Variants in NRG1 observed in about 807,000 individuals in gnomAD.
NRG1 encodes the protein pro-neuregulin-1, membrane-bound isoform.
Under a neutral mutation model 63.8 loss-of-function variants are expected in NRG1, and 18 were observed. The observed-to-expected ratio is 0.28, with a 90% CI of 0.19 to 0.42. The LOEUF (loss-of-function observed/expected upper bound fraction) is 0.42, where lower values mean the gene tolerates loss of function less well. Among genes scored for constraint, NRG1 ranks in the 10% least tolerant of loss-of-function variants. The pLI is 1.00. For missense variants in NRG1, 762 were observed against 814.7 expected (o/e 0.94, Z 0.79); for synonymous variants, 302 against 301.3 (o/e 1.00, Z -0.02).
intron 5 of NRG1, among the ~76,000 whole-genome samples, chr8:32,700,556 A>G (rs1349144747): frequency 6.6e-6 from 1 of 152,190 alleles, no homozygotes; most frequent in African/African-American, 2.4e-5. Flanking sequence ...AACTAGTATT[A>G]TCTTTTCACT....
At chr8:32,347,358 C>T (rs1484738482) in intron 1 of NRG1, among the ~76,000 whole-genome samples, 1 of 152,116 alleles carries the variant, frequency 6.6e-6, no homozygotes, top group African/African-American at 2.4e-5. Flanking sequence ...TATGGAGATC[C>T]TTGCTTTGAT....
chr8:32,187,232 T>C (rs1253172764), intron 1 of NRG1, among the ~76,000 whole-genome samples: 2 of 152,204 alleles, frequency 1.3e-5, no homozygotes, highest in African/African-American at 4.8e-5. Flanking sequence ...CATGAAGACT[T>C]AGTAAGGGTT....
intron 1 of NRG1, among the ~76,000 whole-genome samples, chr8:32,052,907 T>C (rs1435861506): frequency 6.6e-6 from 1 of 152,152 alleles, no homozygotes; most frequent in African/African-American, 2.4e-5. Context: ...AAGGTGAGGT[T>C]ACTGCTTCTG....
In NRG1 at chr8:32,175,833, C is replaced by T. The variant is rs138802922; in HGVS notation, c.38-419995C>T. Among the ~76,000 whole-genome samples the T allele has an allele frequency of 2.5e-3, 387 of 152,098 alleles. 1 individual carries two copies. The highest frequency in any genetic ancestry group is 8.7e-3 in the African/African-American group (361 of 41,502). ...AACCACTGCTCAATGAAATAAAAGA[C>T]GATACAAACAAATGGAAGAACATTC... is the stretch of plus-strand genomic sequence containing the variant. On this transcript the variant is annotated intron_variant, in intron 1 of 10. Coordinates refer to the NRG1 transcript ENST00000519301.
At chr8:32,500,772 G>T (rs1007570600) in intron 1 of NRG1, among the ~76,000 whole-genome samples, 2 of 152,070 alleles carry the variant, frequency 1.3e-5, no homozygotes, top group African/African-American at 4.8e-5. Flanking sequence ...TTTTAGAAAG[G>T]GTTTCCTGAC....
At chr8:31,949,311 C>T (rs1234429453) in intron 1 of NRG1, among the ~76,000 whole-genome samples, 2 of 152,168 alleles carry the variant, frequency 1.3e-5, no homozygotes, top group Non-Finnish European at 1.5e-5. Flanking sequence ...ATTCCCCTCT[C>T]GCTGTCTTTT....
intron 1 of NRG1, among the ~76,000 whole-genome samples, chr8:32,147,478 A>G (rs1357139173): frequency 6.6e-6 from 1 of 152,224 alleles, no homozygotes; most frequent in Non-Finnish European, 1.5e-5. Flanking sequence ...AATTACCATA[A>G]CGTATAAATG....
chr8:32,177,617 C>T (rs955941485), intron 1 of NRG1, among the ~76,000 whole-genome samples: 3 of 151,980 alleles, frequency 2.0e-5, no homozygotes, highest in East Asian at 3.9e-4. Flanking sequence ...TTGTTCAACT[C>T]CCACTTATGA....
intron 1 of NRG1, among the ~76,000 whole-genome samples, chr8:31,983,634 G>T (rs543722665): frequency 6.6e-6 from 1 of 151,920 alleles, no homozygotes; most frequent in Non-Finnish European, 1.5e-5. Context: ...TGCTCTGCTG[G>T]GTGCTATACT....
In NRG1 at chr8:31,639,936, C is replaced by G. The variant is rs1022121483; in HGVS notation, c.37+505C>G. 2.9e-5 allele frequency: 32 copies of G among 1,120,988 alleles called. No individual in the cohort carries two copies. In the African/African-American group the frequency reaches 4.6e-4, roughly 16 times the overall value. 69.4% of individuals were successfully genotyped at this position (1,120,988 alleles called of 1,614,324 possible). On this transcript the variant is annotated intron_variant, in intron 1 of 10. Coordinates refer to the NRG1 transcript ENST00000519301. The stretch of plus-strand genomic sequence containing the variant: ...GGAAAAGGGAGGCAGCGCGAGAGAG[C>G]CGGGCAGAGTCCGAACCGACAGCCA...
At chr8:32,321,320 T>C (rs1160188966) in intron 1 of NRG1, among the ~76,000 whole-genome samples, 1 of 152,160 alleles carries the variant, frequency 6.6e-6, no homozygotes, top group Non-Finnish European at 1.5e-5. Flanking sequence ...AGCTTATTGA[T>C]GGTATTTCAG....
chr8:31,863,146 C>A (rs547873165), intron 1 of NRG1, among the ~76,000 whole-genome samples: 2 of 152,164 alleles, frequency 1.3e-5, no homozygotes, highest in African/African-American at 2.4e-5. Context: ...CCACTCAGTG[C>A]CCCTGGTACA....
intron 7 of NRG1, chr8:32,749,748 T>G (rs1828304956): frequency 1.5e-6 from 1 of 689,080 alleles, no homozygotes; most frequent in African/African-American, 1.8e-5. Flanking sequence ...AATCTATGAT[T>G]AGTTTACTGA....
At chr8:32,307,248 A>C (rs952081296) in intron 1 of NRG1, among the ~76,000 whole-genome samples, 2 of 152,178 alleles carry the variant, frequency 1.3e-5, no homozygotes, top group Non-Finnish European at 2.9e-5. Flanking sequence ...GGCTAACATA[A>C]AAAGAACCAC....
intron 1 of NRG1, among the ~76,000 whole-genome samples, chr8:31,795,214 A>C (rs2131683233): frequency 6.6e-6 from 1 of 152,316 alleles, no homozygotes; most frequent in Admixed American, 6.5e-5. Context: ...GCTGTCACAC[A>C]GTAAAAGATA....
In NRG1 at chr8:31,737,962, A is replaced by G. The variant is rs192086558; in HGVS notation, c.37+98531A>G. ...GAATTTTTCATTTCTTTTGAACTTAAGGATAATATTCAACATTATATATAT... is the reference window on the plus strand; with the variant it reads ...GAATTTTTCATTTCTTTTGAACTTAGGGATAATATTCAACATTATATATAT... On this transcript the variant is annotated intron_variant, in intron 1 of 10. Transcript: ENST00000519301. Among the ~76,000 whole-genome samples, 37 of 152,188 alleles carry G rather than the reference A, an allele frequency of 2.4e-4. No homozygotes were observed. The East Asian group carries it at 7.2e-3, about 29-fold the overall frequency.
chr8:32,052,630 G>T (rs1462876), intron 1 of NRG1, among the ~76,000 whole-genome samples: 148,588 of 152,198 alleles, frequency 0.98, 72,632 homozygotes, highest in Non-Finnish European at 1. Flanking sequence ...AAATCAAATT[G>T]TGAGTGGGCA....
chr8:32,405,212 C>A (rs1480233244), intron 1 of NRG1, among the ~76,000 whole-genome samples: 1 of 152,172 alleles, frequency 6.6e-6, no homozygotes, highest in Non-Finnish European at 1.5e-5. Flanking sequence ...AGGAAGAAAC[C>A]AGATACCAGC....
chr8:32,083,421 T>A (rs6996630), intron 1 of NRG1, among the ~76,000 whole-genome samples: 1 of 152,176 alleles, frequency 6.6e-6, no homozygotes, highest in Non-Finnish European at 1.5e-5. Context: ...GTGTTGCAGG[T>A]TGGGGTGTGG....
Sources: allele counts gnomAD v4.1 joint callset (sites outside exome capture counted in the v4.1 genomes callset), GRCh38; gene constraint gnomAD v4.1.1; transcripts MANE v1.5; gene names NCBI Gene and HGNC (gene_info 2026-07-23, HGNC 2026-07-21).